The following RIMS1 variants were observed in gnomAD, a reference collection of about 807,000 sequenced individuals.
RIMS1 encodes regulating synaptic membrane exocytosis protein 1.
A neutral mutation model predicts 214.1 loss-of-function variants in RIMS1; 83 were observed. That is an observed-to-expected ratio of 0.39 (90% CI 0.32 to 0.47). RIMS1 has a LOEUF of 0.47. Ranked by LOEUF, RIMS1 falls within the 20% of genes least tolerant of loss-of-function variation. RIMS1 has a pLI of 0.99. For missense variants in RIMS1, 2,050 were observed against 2,161.8 expected, an observed-to-expected ratio of 0.95 and a Z score of 1.03; for synonymous variants, 793 against 786.8, an observed-to-expected ratio of 1.01 and a Z score of -0.13.
chr6:72,365,990 C>T (rs533907164), intron 29 of RIMS1, among the ~76,000 whole-genome samples: 20 of 152,304 alleles, frequency 1.3e-4, no homozygotes, highest in African/African-American at 2.6e-4. Flanking sequence ...CTCTCTGAAC[C>T]TCTCATGCAT....
chr6:72,199,347 T>G (rs2051523269), intron 6 of RIMS1, among the ~76,000 whole-genome samples: 1 of 152,182 alleles, frequency 6.6e-6, no homozygotes. Context: ...CATTTTTCTC[T>G]GAGTGCCTGA....
At chr6:72,343,369 ATAT>A (rs34907894) in intron 29 of RIMS1, among the ~76,000 whole-genome samples, 2 of 150,276 alleles carry the variant, frequency 1.3e-5, no homozygotes, top group Admixed American at 6.7e-5. Context: ...TTTAGCATGC[ATAT>A]TATTATTATT....
chr6:72,366,915 GTTTA>G (rs139466258), intron 29 of RIMS1: 30,395 of 940,320 alleles, frequency 0.032, 553 homozygotes, highest in Non-Finnish European at 0.035. Context: ...AGGGGAGTTT[GTTTA>G]TTTATAACTT....
intron 6 of RIMS1, among the ~76,000 whole-genome samples, chr6:72,196,241 T>C (rs1000336722): frequency 6.6e-6 from 1 of 152,270 alleles, no homozygotes; most frequent in South Asian, 2.1e-4. Flanking sequence ...TATTTATTCA[T>C]GTAATAATTT....
At chr6:72,362,366 C>T (rs2097855428) in intron 29 of RIMS1, among the ~76,000 whole-genome samples, 1 of 152,044 alleles carries the variant, frequency 6.6e-6, no homozygotes, top group Non-Finnish European at 1.5e-5. Flanking sequence ...TCCCTTGCTC[C>T]AAGTCGGGAC....
chr6:72,126,517 A>G (rs892058602), intron 4 of RIMS1, among the ~76,000 whole-genome samples: 1 of 152,126 alleles, frequency 6.6e-6, no homozygotes, highest in Admixed American at 6.5e-5. Flanking sequence ...TTCACAAACT[A>G]TGCATTCAAC....
intron 24 of RIMS1, among the ~76,000 whole-genome samples, chr6:72,284,829 T>G (rs996515155): frequency 2.0e-5 from 3 of 152,152 alleles, no homozygotes; most frequent in Non-Finnish European, 4.4e-5. Context: ...ATCATAGCTT[T>G]CATTATAGAG....
chr6:72,190,963 T>C (rs2463721), intron 6 of RIMS1, among the ~76,000 whole-genome samples: 149,687 of 152,250 alleles, frequency 0.98, 73,628 homozygotes, highest in East Asian at 1. Flanking sequence ...CAGGGCCTTG[T>C]TCCAAAATCC....
chr6:72,062,396 C>T (rs1399290704), intron 2 of RIMS1, among the ~76,000 whole-genome samples: 2 of 152,120 alleles, frequency 1.3e-5, no homozygotes, highest in Middle Eastern at 3.4e-3. Context: ...TGTCTCACTT[C>T]CTTTCCAAAC....
rs78066184 is a variant in RIMS1, at chr6:71,968,338, G to A, written c.165-645G>A. ...ATTGTCTACCATCTGCATTTATTTT[G>A]TGATGCATGACTTAAGGCACAAAGA... On this transcript the variant is annotated intron_variant, in intron 1 of 33. Transcript: ENST00000521978. Among the ~76,000 whole-genome samples, 855 of 152,194 alleles carry A rather than the reference G, an allele frequency of 5.6e-3. 6 individuals are homozygous for A. Among genetic ancestry groups the A allele is most frequent in the African/African-American group, 0.02 (815 of 41,518 alleles).
chr6:71,997,405 C>T (rs1407598331), intron 2 of RIMS1, among the ~76,000 whole-genome samples: 3 of 152,050 alleles, frequency 2.0e-5, no homozygotes, highest in Non-Finnish European at 4.4e-5. Flanking sequence ...AATGCAAAAG[C>T]CATAAAATAA....
intron 4 of RIMS1, among the ~76,000 whole-genome samples, chr6:72,150,157 C>T (rs2043329295): frequency 7.0e-6 from 1 of 143,542 alleles, no homozygotes; most frequent in Admixed American, 7.0e-5. Context: ...TTTATGGGCT[C>T]AGAATGGGGA....
At chr6:72,337,338 A>G (rs368492209) in intron 29 of RIMS1, among the ~76,000 whole-genome samples, 1 of 151,796 alleles carries the variant, frequency 6.6e-6, no homozygotes, top group Non-Finnish European at 1.5e-5. Flanking sequence ...TGAAGGCATT[A>G]TTGGGAAGGT....
chr6:72,112,825 T>C (rs1007220064), intron 4 of RIMS1, among the ~76,000 whole-genome samples: 6 of 152,204 alleles, frequency 3.9e-5, no homozygotes, highest in African/African-American at 1.4e-4. Context: ...TCTTTTCTCA[T>C]TGCTAGCTCT....
intron 31 of RIMS1, among the ~76,000 whole-genome samples, chr6:72,393,085 G>GAA (rs36027740): frequency 2.1e-3 from 280 of 131,636 alleles, no homozygotes; most frequent in African/African-American, 4.7e-3. Flanking sequence ...TCACAGCATG[G>GAA]AAAAAAAAAA....
At chr6:72,013,976 C>T (rs1279595616) in intron 2 of RIMS1, among the ~76,000 whole-genome samples, 19 of 152,148 alleles carry the variant, frequency 1.2e-4, no homozygotes, top group Admixed American at 1.2e-3. Context: ...AATGGAATCA[C>T]ACAATATATG....
intron 29 of RIMS1, among the ~76,000 whole-genome samples, chr6:72,344,485 C>T (rs1292840081): frequency 6.6e-6 from 1 of 151,746 alleles, no homozygotes; most frequent in African/African-American, 2.4e-5. Context: ...CTGAAAGCTA[C>T]AGTGGATCAA....
chr6:72,399,418 A>T (rs1016888746), intron 33 of RIMS1, among the ~76,000 whole-genome samples: 3 of 152,120 alleles, frequency 2.0e-5, no homozygotes, highest in African/African-American at 7.2e-5. Flanking sequence ...ATAGATAGAG[A>T]TATGTCCTCA....
At chr6:72,329,612 A>G (rs560174644) in intron 28 of RIMS1, among the ~76,000 whole-genome samples, 1 of 151,502 alleles carries the variant, frequency 6.6e-6, no homozygotes, top group Non-Finnish European at 1.5e-5. Context: ...AGTAAATACT[A>G]AGTCAAAATT....
Sources: allele counts gnomAD v4.1 joint callset (sites outside exome capture counted in the v4.1 genomes callset), GRCh38; gene constraint gnomAD v4.1.1; transcripts MANE v1.5; gene names NCBI Gene and HGNC (gene_info 2026-07-23, HGNC 2026-07-21).